CCDC141: variants seen among roughly 807,000 people sequenced by gnomAD.
CCDC141 encodes coiled-coil domain containing 141.
In CCDC141, 168 loss-of-function variants were observed where a neutral mutation model predicts 181.0. The ratio of observed to expected loss-of-function variants is 0.93; its 90% CI spans 0.82 to 1.05. The LOEUF (loss-of-function observed/expected upper bound fraction) is 1.05, where lower values mean the gene tolerates loss of function less well. CCDC141 is among the 50% of genes least tolerant of loss of function. The pLI is 0.00. For missense variants in CCDC141, 1,902 were observed against 1,788.5 expected, an observed-to-expected ratio of 1.06 and a Z score of -1.14; for synonymous variants, 666 against 642.3, an observed-to-expected ratio of 1.04 and a Z score of -0.56.
At chr2:179,046,750 C>G (rs890281579) in intron 2 of CCDC141, among the ~76,000 whole-genome samples, 1 of 152,202 alleles carries the variant, frequency 6.6e-6, no homozygotes, top group Non-Finnish European at 1.5e-5. Context: ...CTGGCAACCT[C>G]AAACCAATGT....
chr2:178,823,840 G>A, the CCDC141 span, among the ~76,000 whole-genome samples: 1 of 152,028 alleles, frequency 6.6e-6, no homozygotes, highest in South Asian at 2.1e-4. Flanking sequence ...TTTAAAACTG[G>A]AATTGTGCTG....
intron 12 of CCDC141, chr2:178,877,698 T>C: frequency 2.0e-6 from 1 of 507,582 alleles, no homozygotes; most frequent in Admixed American, 3.9e-5. Context: ...CTGAGGACTC[T>C]ATTTAATAAT....
At chr2:179,025,049 C>A (rs1200751533) in intron 2 of CCDC141, among the ~76,000 whole-genome samples, 1 of 151,888 alleles carries the variant, frequency 6.6e-6, no homozygotes. Context: ...CCTACTTAGG[C>A]CTTCCTTCCT....
chr2:178,894,600 T>C (rs1040157351), intron 8 of CCDC141, among the ~76,000 whole-genome samples: 1 of 150,226 alleles, frequency 6.7e-6, no homozygotes, highest in Admixed American at 6.6e-5. Context: ...ACAAAAAAAT[T>C]AGAAATCACA....
chr2:178,888,498 G>T lies in CCDC141; in HGVS notation c.1407+29C>A, dbSNP rs763223165. 4.9e-5 allele frequency: 76 copies of T among 1,538,676 alleles called. No individual in the cohort carries two copies. The South Asian group carries it at 8.6e-4, about 17-fold the overall frequency. On this transcript the variant is annotated intron_variant, in intron 9 of 23. Transcript: ENST00000443758. ...CATATCATCTATTATCACCAACTTA[G>T]ATATTTAAGTTTTAGTTTACGAAAC...
At chr2:178,883,930 C>T (rs758822529) in intron 11 of CCDC141, among the ~76,000 whole-genome samples, 24 of 152,018 alleles carry the variant, frequency 1.6e-4, no homozygotes, top group Non-Finnish European at 2.8e-4. Flanking sequence ...TATGAAGACA[C>T]ATCACACAAG....
chr2:178,980,637 A>T (rs1213800637), intron 2 of CCDC141, among the ~76,000 whole-genome samples: 2 of 152,184 alleles, frequency 1.3e-5, no homozygotes, highest in Non-Finnish European at 2.9e-5. Context: ...AGAAACTATT[A>T]GAGTGGATAA....
rs111755865 is a variant in CCDC141 at position 178,922,093 on chromosome 2, T to C, written c.898-3186A>G. Among the ~76,000 whole-genome samples, 349 of 152,278 alleles carry C rather than the reference T, an allele frequency of 2.3e-3. 2 individuals are homozygous for C. The highest frequency in any genetic ancestry group is 8.0e-3 in the African/African-American group (331 of 41,564). ...GAAGTTAGGATATGAAGAAATGAAATATAGCCATTGCGTGCTCAGTCTAAC... is the reference window on the plus strand; with the variant it reads ...GAAGTTAGGATATGAAGAAATGAAACATAGCCATTGCGTGCTCAGTCTAAC... On this transcript the variant is annotated intron_variant, in intron 6 of 23. Transcript: ENST00000443758.
intron 2 of CCDC141, among the ~76,000 whole-genome samples, chr2:178,991,294 T>C (rs1692043094): frequency 6.6e-6 from 1 of 152,216 alleles, no homozygotes; most frequent in African/African-American, 2.4e-5. Flanking sequence ...TTTCCTCCCA[T>C]ATAAAACATT....
In CCDC141 at chr2:179,050,123, G is replaced by A. The variant is rs2043631167; in HGVS notation, c.-182C>T. The A allele has an allele frequency of 2.3e-6, 2 of 883,236 alleles. No homozygotes were observed. Among genetic ancestry groups the A allele is most frequent in the African/African-American group, 1.7e-5 (1 of 59,310 alleles). The allele number at this position is 883,236 out of a possible 1,614,324, so 54.7% of individuals were successfully genotyped here. On this transcript the variant is annotated 5_prime_UTR_variant, in exon 1 of 24. Coordinates refer to ENST00000443758, the MANE Select transcript of CCDC141 (RefSeq NM_173648.4). Reference sequence around the variant, plus strand: ...TAGACAACCCCATTGAGTTTATCGTGAGAGAGAAAGGAGCGAACGAGAGAG... The same window carrying A: ...TAGACAACCCCATTGAGTTTATCGTAAGAGAGAAAGGAGCGAACGAGAGAG...
chr2:178,959,599 G>A (rs1243340677), intron 5 of CCDC141, among the ~76,000 whole-genome samples: 1 of 152,176 alleles, frequency 6.6e-6, no homozygotes, highest in Admixed American at 6.5e-5. Context: ...TAATGCTTTG[G>A]GGAATGAGCA....
At chr2:179,012,237 C>T (rs187937638) in intron 2 of CCDC141, among the ~76,000 whole-genome samples, 12 of 152,010 alleles carry the variant, frequency 7.9e-5, no homozygotes, top group African/African-American at 2.9e-4. Context: ...CAAGATTAAC[C>T]AAGAAAAGAA....
chr2:178,954,822 ACC>A lies in CCDC141; in HGVS notation c.780+6406_780+6407del, dbSNP rs376877210. ...GTAAGACAGAACTGACAAAAAAAAA[ACC>A]AAAAAACTTTGCCCTTCAATGAAAT... On this transcript the variant is annotated intron_variant, in intron 5 of 23. Transcript: ENST00000443758. 8.9e-4 allele frequency among the ~76,000 whole-genome samples: 133 copies of A among 149,276 alleles called. 2 individuals carry two copies. Among genetic ancestry groups the A allele is most frequent in the Middle Eastern group, 3.6e-3 (1 of 280 alleles).
chr2:178,872,092 G>A, intron 13 of CCDC141, 41 bp downstream of exon 13: 1 of 1,589,450 alleles, frequency 6.3e-7, no homozygotes, highest in Non-Finnish European at 8.6e-7. Flanking sequence ...GCCTGTGTCG[G>A]AATTTCATTC....
chr2:178,882,631 G>T (rs2154370250), intron 11 of CCDC141, among the ~76,000 whole-genome samples: 1 of 152,150 alleles, frequency 6.6e-6, no homozygotes, highest in African/African-American at 2.4e-5. Flanking sequence ...TGAGATTTAG[G>T]GATAGAAACT....
At chr2:178,933,505 C>T (rs1013650611) in intron 6 of CCDC141, among the ~76,000 whole-genome samples, 1 of 152,116 alleles carries the variant, frequency 6.6e-6, no homozygotes, top group Non-Finnish European at 1.5e-5. Flanking sequence ...GGAGTCACAC[C>T]TTGAATAACA....
intron 2 of CCDC141, among the ~76,000 whole-genome samples, chr2:178,981,394 A>G (rs1691384742): frequency 2.5e-5 from 3 of 119,802 alleles, no homozygotes; most frequent in South Asian, 6.3e-4. Context: ...TCATACGAAT[A>G]TACTCTCAGA....
intron 8 of CCDC141, among the ~76,000 whole-genome samples, chr2:178,894,965 C>T (rs35596070): frequency 6.6e-6 from 1 of 151,984 alleles, no homozygotes; most frequent in Non-Finnish European, 1.5e-5. Flanking sequence ...ATAAAAATAT[C>T]TTTTAATGTA....
intron 21 of CCDC141, among the ~76,000 whole-genome samples, chr2:178,845,967 G>T (rs1430836509): frequency 6.6e-6 from 1 of 152,158 alleles, no homozygotes; most frequent in East Asian, 1.9e-4. Context: ...AGTAAAAATT[G>T]GTTGTTGAAA....
Sources: gnomAD v4.1 joint callset for allele counts (sites outside exome capture counted in the v4.1 genomes callset) on GRCh38, gnomAD v4.1.1 for gene constraint, MANE v1.5 for transcripts, NCBI Gene and HGNC (gene_info 2026-07-23, HGNC 2026-07-21) for gene names.